SHLD2: variants seen among roughly 807,000 people sequenced by gnomAD.
SHLD2 encodes the protein shieldin complex subunit 2.
SHLD2 carries 30 observed loss-of-function variants against 73.2 expected under a neutral mutation model. The ratio of observed to expected loss-of-function variants is 0.41; its 90% CI spans 0.31 to 0.56. The LOEUF is 0.56. Ranked by LOEUF, SHLD2 falls within the 20% of genes least tolerant of loss-of-function variation. SHLD2 has a pLI of 0.28. For synonymous variants in SHLD2, 285 were observed against 370.1 expected, an observed-to-expected ratio of 0.77 and a Z score of 2.64; for missense variants, 745 against 1,055.9, an observed-to-expected ratio of 0.71 and a Z score of 4.08.
chr10:87,180,636 G>C (rs1848245446), intron 8 of SHLD2, among the ~76,000 whole-genome samples: 1 of 152,142 alleles, frequency 6.6e-6, no homozygotes, highest in South Asian at 2.1e-4. Flanking sequence ...TAGAATTTAA[G>C]GGCTAAAAGT....
chr10:87,162,925 A>C (rs1846923559), intron 4 of SHLD2, among the ~76,000 whole-genome samples: 1 of 152,196 alleles, frequency 6.6e-6, no homozygotes, highest in South Asian at 2.1e-4. Context: ...GGCAATATCT[A>C]ACAAAATTAC....
chr10:87,121,767 T>C (rs1341807549), intron 2 of SHLD2, among the ~76,000 whole-genome samples: 56 of 150,454 alleles, frequency 3.7e-4, no homozygotes, highest in African/African-American at 1.3e-3. Context: ...TCTTTCTTTT[T>C]TTTTTTTTTT....
intron 2 of SHLD2, among the ~76,000 whole-genome samples, chr10:87,145,203 C>CAA (rs1327822400): frequency 6.6e-6 from 1 of 152,034 alleles, no homozygotes; most frequent in Non-Finnish European, 1.5e-5. Context: ...AGCCTCCCAG[C>CAA]ATTTAGTAAT....
In SHLD2 at chr10:87,153,889, T is replaced by C. The variant is rs570284380; in HGVS notation, c.1525+1010T>C. Among the ~76,000 whole-genome samples, 871 of 152,198 alleles carry C rather than the reference T, an allele frequency of 5.7e-3. 6 individuals are homozygous for C. The highest frequency in any genetic ancestry group is 0.019 in the African/African-American group (774 of 41,532). On this transcript the variant is annotated intron_variant, in intron 3 of 9. Transcript: ENST00000298786. ...ATATAGTTGTAACCATAAAGAACATTTTGTTTTTTTAATTTTTAATTTATT... is the reference window on the plus strand; with the variant it reads ...ATATAGTTGTAACCATAAAGAACATCTTGTTTTTTTAATTTTTAATTTATT...
intron 2 of SHLD2, among the ~76,000 whole-genome samples, chr10:87,146,482 C>T (rs1465092160): frequency 1.3e-5 from 2 of 151,792 alleles, no homozygotes; most frequent in African/African-American, 2.4e-5. Flanking sequence ...TTAGTAGAGA[C>T]GGGGTTTTAC....
chr10:87,168,643 G>T (rs923728954), intron 4 of SHLD2, among the ~76,000 whole-genome samples: 6 of 151,832 alleles, frequency 4.0e-5, no homozygotes, highest in African/African-American at 1.5e-4. Flanking sequence ...CAACACAGAT[G>T]CAGTTGGAGG....
chr10:87,127,236 T>C (rs1357139023), intron 2 of SHLD2, among the ~76,000 whole-genome samples: 2 of 152,158 alleles, frequency 1.3e-5, no homozygotes, highest in Non-Finnish European at 2.9e-5. Flanking sequence ...GCACAATCTG[T>C]GCATAAGTTG....
chr10:87,158,256 A>G (rs1195323332), intron 4 of SHLD2, 101 bp downstream of exon 4: 20 of 1,229,630 alleles, frequency 1.6e-5, no homozygotes, highest in Non-Finnish European at 2.0e-5. Context: ...AATGTTTTCT[A>G]AACAGTTGGA....
chr10:87,183,159 G>A (rs1043145956), intron 8 of SHLD2, among the ~76,000 whole-genome samples: 14 of 152,150 alleles, frequency 9.2e-5, no homozygotes, highest in Non-Finnish European at 1.9e-4. Flanking sequence ...GAGAATGGTC[G>A]GAAAATAGTT....
At chr10:87,181,799 C>T (rs887943833) in intron 8 of SHLD2, among the ~76,000 whole-genome samples, 10 of 150,854 alleles carry the variant, frequency 6.6e-5, no homozygotes, top group African/African-American at 9.8e-5. Flanking sequence ...GACAGAGTTT[C>T]GCTCTTGTTG....
chr10:87,142,710 G>C (rs962182054), intron 2 of SHLD2, among the ~76,000 whole-genome samples: 1 of 151,914 alleles, frequency 6.6e-6, no homozygotes, highest in Non-Finnish European at 1.5e-5. Context: ...GTTATTTGCT[G>C]AGTATGACTT....
intron 7 of SHLD2, among the ~76,000 whole-genome samples, chr10:87,176,681 G>A (rs1022026640): frequency 6.6e-6 from 1 of 152,214 alleles, no homozygotes; most frequent in Non-Finnish European, 1.5e-5. Context: ...AGATTAAAAT[G>A]TTACTAGTTG....
chr10:87,190,259 G>C (rs1848970088), intron 9 of SHLD2, among the ~76,000 whole-genome samples: 1 of 152,158 alleles, frequency 6.6e-6, no homozygotes, highest in East Asian at 1.9e-4. Flanking sequence ...GGGTTTTACT[G>C]TGTTGGCCAG....
At chr10:87,109,855 G>A (rs1842815867) in intron 2 of SHLD2, among the ~76,000 whole-genome samples, 1 of 152,134 alleles carries the variant, frequency 6.6e-6, no homozygotes, top group East Asian at 1.9e-4. Flanking sequence ...TTAAAAAGCT[G>A]TCTTGGCCGG....
intron 2 of SHLD2, among the ~76,000 whole-genome samples, chr10:87,107,486 T>C (rs746853635): frequency 6.6e-6 from 1 of 152,204 alleles, no homozygotes; most frequent in South Asian, 2.1e-4. Flanking sequence ...CTACTTTATA[T>C]AGGGTGTTCA....
chr10:87,094,757 G>A (rs780666715), upstream of SHLD2: 10 of 1,538,608 alleles, frequency 6.5e-6, no homozygotes, highest in East Asian at 8.1e-5. This position sits in a 1 kb window ranked among gnomAD's most constrained non-coding sequence, Gnocchi z 6.6. Context: ...GCTTCGCCCA[G>A]GTAGCGGTAC....
At chr10:87,160,765 G>A (rs574330126) in intron 4 of SHLD2, among the ~76,000 whole-genome samples, 6 of 152,200 alleles carry the variant, frequency 3.9e-5, no homozygotes, top group Admixed American at 2.6e-4. Context: ...CAAGGTGGGC[G>A]GATCACTTGA....
At chr10:87,115,767 A>G (rs1843216695) in intron 2 of SHLD2, among the ~76,000 whole-genome samples, 3 of 152,188 alleles carry the variant, frequency 2.0e-5, no homozygotes, top group Non-Finnish European at 4.4e-5. Flanking sequence ...ACATCAATGA[A>G]TAGGTAATGT....
At chr10:87,153,337 T>C (rs1846149418) in intron 3 of SHLD2, among the ~76,000 whole-genome samples, 1 of 152,160 alleles carries the variant, frequency 6.6e-6, no homozygotes, top group African/African-American at 2.4e-5. Context: ...GCCCAGGAGG[T>C]TGAGGCTGCA....
Sources: allele counts gnomAD v4.1 joint callset (sites outside exome capture counted in the v4.1 genomes callset), GRCh38; gene constraint gnomAD v4.1.1; non-coding constraint Gnocchi (gnomAD v3.1); transcripts MANE v1.5; gene names NCBI Gene and HGNC (gene_info 2026-07-23, HGNC 2026-07-21).